Variants in TTC7B observed in about 807,000 individuals in gnomAD.
The protein encoded by TTC7B is tetratricopeptide repeat protein 7B.
In TTC7B, 28 loss-of-function variants were observed where a neutral mutation model predicts 106.8. The observed-to-expected ratio is 0.26, with a 90% confidence interval of 0.19 to 0.36. The LOEUF (loss-of-function observed/expected upper bound fraction) is 0.36. Among genes scored for constraint, TTC7B ranks in the 10% least tolerant of loss-of-function variants. The pLI, the probability that TTC7B is intolerant of heterozygous loss-of-function variation, is 1.00. For missense variants in TTC7B, 862 were observed against 1,076.4 expected (o/e 0.80, Z 2.79); for synonymous variants, 405 against 430.6 (o/e 0.94, Z 0.74).
chr14:90,755,586 G>C (rs1301939717), intron 3 of TTC7B, among the ~76,000 whole-genome samples: 1 of 152,032 alleles, frequency 6.6e-6, no homozygotes, highest in South Asian at 2.1e-4. Context: ...TTGAGCCCAG[G>C]AGTTCAAGAT....
intron 15 of TTC7B, among the ~76,000 whole-genome samples, chr14:90,636,013 C>T (rs12893869): frequency 0.21 from 31,369 of 147,804 alleles, 4,070 homozygotes; most frequent in Middle Eastern, 0.3. Flanking sequence ...CCCAAGTACT[C>T]AGGAGGCTGA....
intron 19 of TTC7B, among the ~76,000 whole-genome samples, chr14:90,571,220 T>C (rs1245936141): frequency 6.6e-6 from 1 of 152,166 alleles, no homozygotes; most frequent in African/African-American, 2.4e-5. Context: ...GTATCAATAA[T>C]TGTTGAAAGG....
chr14:90,760,934 A>G (rs888302301), intron 3 of TTC7B, among the ~76,000 whole-genome samples: 2 of 152,214 alleles, frequency 1.3e-5, no homozygotes, highest in African/African-American at 2.4e-5. Flanking sequence ...ACCATGTTCA[A>G]CCAATCCAGT....
At chr14:90,750,059 T>C (rs1055549633) in intron 3 of TTC7B, among the ~76,000 whole-genome samples, 1 of 152,218 alleles carries the variant, frequency 6.6e-6, no homozygotes, top group African/African-American at 2.4e-5. Flanking sequence ...CTCTTGACAT[T>C]TTCATTGGAA....
At chr14:90,672,333 G>A (rs1259488287) in intron 9 of TTC7B, among the ~76,000 whole-genome samples, 2 of 152,210 alleles carry the variant, frequency 1.3e-5, no homozygotes, top group African/African-American at 2.4e-5. Context: ...TCACACACGA[G>A]CCACACGGTG....
chr14:90,729,199 A>C (rs1889229699), intron 5 of TTC7B, among the ~76,000 whole-genome samples: 1 of 152,258 alleles, frequency 6.6e-6, no homozygotes, highest in African/African-American at 2.4e-5. Flanking sequence ...AAATGGACGC[A>C]TGCGGCTCTG....
At chr14:90,720,413 T>C (rs764631693) in intron 5 of TTC7B, among the ~76,000 whole-genome samples, 12 of 152,210 alleles carry the variant, frequency 7.9e-5, no homozygotes, top group Non-Finnish European at 1.5e-4. Context: ...CTGCTCACCA[T>C]TTTATCCCCA....
Position 90,657,542 on chromosome 14 carries a change from A to G in TTC7B, c.1237-264T>C. ...TCCATACTTGTGTAGCTATTGGAAA[A>G]TTAAGAAAAACATAAAGATGGTGGA... On this transcript the variant is annotated intron_variant, in intron 10 of 19. Coordinates refer to ENST00000328459, the MANE Select transcript of TTC7B (RefSeq NM_001010854.2). This position sits in a 1 kb window ranked among gnomAD's most constrained non-coding sequence, Gnocchi z 4.2. 1 of 304,772 alleles carries G rather than the reference A, an allele frequency of 3.3e-6. No homozygotes were observed. Among genetic ancestry groups the G allele is most frequent in the Non-Finnish European group, 6.1e-6 (1 of 164,938 alleles). The allele number at this position is 304,772 out of a possible 1,614,324, so 18.9% of individuals were successfully genotyped here.
intron 19 of TTC7B, among the ~76,000 whole-genome samples, chr14:90,565,645 C>G (rs1390664730): frequency 1.3e-5 from 2 of 152,066 alleles, no homozygotes; most frequent in African/African-American, 4.8e-5. Flanking sequence ...CGTGATCTGC[C>G]CGCCTCGGCC....
At chr14:90,792,422 C>G (rs113684067) in intron 1 of TTC7B, among the ~76,000 whole-genome samples, 7 of 151,972 alleles carry the variant, frequency 4.6e-5, no homozygotes, top group Non-Finnish European at 8.8e-5. Context: ...ACTAAAAATA[C>G]AAAAATTAGC....
At chr14:90,748,511 G>A (rs2140005368) in intron 3 of TTC7B, among the ~76,000 whole-genome samples, 1 of 151,838 alleles carries the variant, frequency 6.6e-6, no homozygotes, top group East Asian at 1.9e-4. Context: ...TTTTTTAGTA[G>A]AGACAGGGTT....
At chr14:90,723,934 C>T (rs993301153) in intron 5 of TTC7B, among the ~76,000 whole-genome samples, 3 of 152,220 alleles carry the variant, frequency 2.0e-5, no homozygotes, top group African/African-American at 7.2e-5. Context: ...AAACCCACTG[C>T]ATGCCAGGTC....
rs138463349 is a variant in TTC7B at position 90,618,749 on chromosome 14, A to G, written c.1752-704T>C. ...ATTCTACTTATGTTTCTCTGCCGAC[A>G]TCAGCCTAGGTACCTGTAGACATCA... On this transcript the variant is annotated intron_variant, in intron 15 of 19. Transcript: ENST00000328459. 9.9e-4 allele frequency among the ~76,000 whole-genome samples: 151 copies of G among 152,312 alleles called. 1 individual carries two copies. The highest frequency in any genetic ancestry group is 3.6e-3 in the African/African-American group (148 of 41,568).
chr14:90,738,833 C>T (rs1366542699), intron 4 of TTC7B, among the ~76,000 whole-genome samples: 1 of 152,104 alleles, frequency 6.6e-6, no homozygotes, highest in East Asian at 1.9e-4. Flanking sequence ...TGATACCAGC[C>T]TGGGCAACAC....
intron 1 of TTC7B, among the ~76,000 whole-genome samples, chr14:90,806,924 G>A (rs182822564): frequency 6.6e-6 from 1 of 151,896 alleles, no homozygotes; most frequent in Non-Finnish European, 1.5e-5. Flanking sequence ...AAAAGAGTGA[G>A]GCTCAGAGAA....
In TTC7B at chr14:90,680,459, A is replaced by G. The variant is rs1276204146; in HGVS notation, c.1014+13T>C. 4 of 1,610,530 alleles carry G rather than the reference A, an allele frequency of 2.5e-6. No individual in the cohort carries two copies. Among genetic ancestry groups the G allele is most frequent in the African/African-American group, 2.7e-5 (2 of 74,874 alleles). ...CCAGGGGAAAGAACGATGTAAAAAC[A>G]CATTCCACTTACCATTGATTCACTA... On this transcript the variant is annotated intron_variant, in intron 8 of 19. Transcript: ENST00000328459.
intron 3 of TTC7B, among the ~76,000 whole-genome samples, chr14:90,758,942 T>C (rs186085781): frequency 2.0e-4 from 30 of 152,366 alleles, no homozygotes; most frequent in Admixed American, 5.9e-4. Flanking sequence ...AAGGAATTAT[T>C]TTAATGCTGT....
intron 5 of TTC7B, among the ~76,000 whole-genome samples, chr14:90,709,303 T>C (rs1276340867): frequency 1.3e-5 from 2 of 151,200 alleles, no homozygotes; most frequent in Non-Finnish European, 3.0e-5. Context: ...CCAACAATGA[T>C]AGACTGGATT....
intron 17 of TTC7B, chr14:90,602,280 A>G: frequency 2.2e-6 from 1 of 454,492 alleles, no homozygotes; most frequent in Non-Finnish European, 4.4e-6. Context: ...TAATGTGGTT[A>G]ATGTGAACTA....
Sources: gnomAD v4.1 joint callset for allele counts (sites outside exome capture counted in the v4.1 genomes callset) on GRCh38, gnomAD v4.1.1 for gene constraint, Gnocchi (gnomAD v3.1) non-coding constraint, MANE v1.5 for transcripts, NCBI Gene and HGNC (gene_info 2026-07-23, HGNC 2026-07-21) for gene names.